Variants in COL11A1 observed in about 807,000 individuals in gnomAD.
The protein encoded by COL11A1 is collagen type XI alpha 1 chain.
In COL11A1, 74 loss-of-function variants were observed where a neutral mutation model predicts 265.2. The ratio of observed to expected loss-of-function variants is 0.28; its 90% confidence interval spans 0.23 to 0.34. The LOEUF is 0.34. COL11A1 is among the 10% of genes least tolerant of loss of function. The probability of loss-of-function intolerance (pLI) is 1.00; values close to 1 mark genes in which losing one functional copy is unlikely to be tolerated. For missense variants in COL11A1, 2,165 were observed against 2,263.6 expected (o/e 0.96, Z 0.88); for synonymous variants, 816 against 727.6 (o/e 1.12, Z -1.96).
intron 41 of COL11A1, among the ~76,000 whole-genome samples, chr1:102,956,856 TAA>T (rs368616275): frequency 1.1e-3 from 163 of 151,844 alleles, no homozygotes; most frequent in African/African-American, 3.4e-3. Context: ...AAAAGAATTC[TAA>T]GTTTTGTAAT....
chr1:103,074,087 T>C (rs1164186020), intron 4 of COL11A1, among the ~76,000 whole-genome samples: 2 of 152,084 alleles, frequency 1.3e-5, no homozygotes, highest in Non-Finnish European at 1.5e-5. Flanking sequence ...ACTAAAAGAA[T>C]GTGATTATCA....
At chr1:102,959,466 A>C (rs1660682102) in intron 41 of COL11A1, among the ~76,000 whole-genome samples, 1 of 152,176 alleles carries the variant, frequency 6.6e-6, no homozygotes, top group South Asian at 2.1e-4. Context: ...CACCTTTTCC[A>C]CATGGCCCTT....
intron 57 of COL11A1, among the ~76,000 whole-genome samples, chr1:102,894,889 C>A (rs1288483571): frequency 2.6e-5 from 4 of 152,112 alleles, no homozygotes; most frequent in Non-Finnish European, 5.9e-5. Context: ...TATTCTCCCA[C>A]CTCAGCCTCC....
rs928084007 is a variant in COL11A1, at chr1:103,082,884, C to G, written c.195G>C (p.Lys65Asn). Residue 65 changes from lysine (K) to asparagine (N), a missense_variant, in exon 2 of 67, where the codon AAG becomes AAC. Physicochemically the swap from Lys to Asn is moderately conservative, Grantham distance 94. Coordinates refer to ENST00000370096, the MANE Select transcript of COL11A1 (RefSeq NM_001854.4). The part of the protein sequence containing the change: ...SKTTGFCTNR[K>N]NSKGSDTAYR... Reference sequence around the variant, plus strand: ...AAGCAGTATCTGAGCCTTTAGAATTCTTTCTGTTTGTGCAAAATCCCGTTG... The same window carrying G: ...AAGCAGTATCTGAGCCTTTAGAATTGTTTCTGTTTGTGCAAAATCCCGTTG... 2.5e-6 allele frequency: 4 copies of G among 1,613,540 alleles called. No individual in the cohort carries two copies. The African/African-American group carries it at 5.3e-5, about 22-fold the overall frequency.
chr1:102,893,412 C>T (rs1275045338), intron 57 of COL11A1, among the ~76,000 whole-genome samples: 1 of 152,028 alleles, frequency 6.6e-6, no homozygotes, highest in Non-Finnish European at 1.5e-5. Context: ...TTTTTATTTT[C>T]ATCAGCTGGA....
intron 25 of COL11A1, 81 bp from the exon 26 acceptor site, chr1:102,997,205 T>A: frequency 8.2e-7 from 1 of 1,226,482 alleles, no homozygotes; most frequent in Non-Finnish European, 1.2e-6. Context: ...CTTTTGTTAT[T>A]AAATCTACTA....
In COL11A1 at chr1:102,946,951, T is replaced by A; in HGVS notation, c.3174A>T (p.Ser1058=). Residue 1058 remains serine (S), a synonymous_variant, in exon 42 of 67, where the codon TCA becomes TCT. Coordinates refer to ENST00000370096, the MANE Select transcript of COL11A1 (RefSeq NM_001854.4). ...TACCTGCTGACCCACGTTCTCCTGG[T>A]GAGCCCTAGTATACAGGAAAAGAAG... is the stretch of plus-strand genomic sequence containing the variant. ...GPQGPPGPVG[S]PGERGSAGTA... is the part of the protein sequence containing the mutation. The A allele has an allele frequency of 6.2e-7, 1 of 1,611,522 alleles. No homozygotes were observed. The highest frequency in any genetic ancestry group is 8.5e-7 in the Non-Finnish European group (1 of 1,178,716).
At chr1:103,085,146 G>A (rs1219384164) in intron 1 of COL11A1, among the ~76,000 whole-genome samples, 1 of 152,198 alleles carries the variant, frequency 6.6e-6, no homozygotes, top group African/African-American at 2.4e-5. Context: ...AATATGATGA[G>A]CTCTGAGTGC....
At chr1:102,984,678 A>G (rs576520840) in intron 30 of COL11A1, among the ~76,000 whole-genome samples, 3 of 152,164 alleles carry the variant, frequency 2.0e-5, no homozygotes, top group Non-Finnish European at 2.9e-5. Flanking sequence ...ACTTTTCTCA[A>G]TGAGTAAGTA....
chr1:103,089,863 C>T (rs762428505), intron 1 of COL11A1, among the ~76,000 whole-genome samples: 3 of 152,190 alleles, frequency 2.0e-5, no homozygotes, highest in Non-Finnish European at 4.4e-5. Context: ...TGGTGGCCCA[C>T]GCCTGTAATC....
Position 103,021,609 on chromosome 1 carries a change from T to G in COL11A1, c.1308+98A>C, listed in dbSNP as rs1667081739. 1.5e-5 allele frequency: 12 copies of G among 816,418 alleles called. No individual in the cohort carries two copies. In the East Asian group the frequency reaches 1.5e-4, roughly 10 times the overall value. The allele number at this position is 816,418 out of a possible 1,614,324, so 50.6% of individuals were successfully genotyped here. ...ATTGCAAACATCTGGACATCAAGAT[T>G]ATCATTGGTAAAACACGAACATACA... is the stretch of plus-strand genomic sequence containing the variant. On this transcript the variant is annotated intron_variant, in intron 9 of 66. Transcript: ENST00000370096.
intron 44 of COL11A1, among the ~76,000 whole-genome samples, chr1:102,938,102 A>T (rs541250486): frequency 5.0e-4 from 76 of 152,264 alleles, no homozygotes; most frequent in Admixed American, 7.9e-4. Flanking sequence ...AGTTAGAAAA[A>T]TTCATCTCAT....
intron 4 of COL11A1, among the ~76,000 whole-genome samples, chr1:103,049,176 T>C (rs1290233782): frequency 6.6e-6 from 1 of 152,188 alleles, no homozygotes; most frequent in Non-Finnish European, 1.5e-5. Context: ...GTCTCGTTGA[T>C]CTGTCTAATG....
Position 103,108,168 on chromosome 1 carries a change from C to G in COL11A1, c.11G>C (p.Trp4Ser). Residue 4 changes from tryptophan (W) to serine (S), a missense_variant, in exon 1 of 67, where the codon TGG (tryptophan) becomes TCG (serine). Trp to Ser is a radical substitution (Grantham distance 177). Coordinates refer to ENST00000370096, the MANE Select transcript of COL11A1 (RefSeq NM_001854.4). ...CCGTTTCGTTTTCCACCTAGAGGACCACGGCTCCATCTCCGAGCCCCGCAC... is the reference window on the plus strand; with the variant it reads ...CCGTTTCGTTTTCCACCTAGAGGACGACGGCTCCATCTCCGAGCCCCGCAC... MEPWSSRWKTKRWL... is the reference protein window; with the variant it reads MEPSSSRWKTKRWL... 6.2e-7 allele frequency: 1 copy of G among 1,613,672 alleles called. No individual in the cohort carries two copies. The highest frequency in any genetic ancestry group is 8.5e-7 in the Non-Finnish European group (1 of 1,179,896).
intron 30 of COL11A1, among the ~76,000 whole-genome samples, chr1:102,984,524 T>C (rs1663351535): frequency 6.6e-6 from 1 of 152,050 alleles, no homozygotes; most frequent in African/African-American, 2.4e-5. Context: ...TTCTAAGCTT[T>C]TTCAACATTA....
chr1:103,021,835 CTTCT>C, intron 8 of COL11A1, 66 bp from the exon 9 acceptor site: 2 of 1,089,098 alleles, frequency 1.8e-6, no homozygotes, highest in Non-Finnish European at 1.3e-6. Flanking sequence ...TCTTTCTTTT[CTTCT>C]TTTTTTTTTT....
At chr1:102,977,540 T>G (rs1662616308) in intron 35 of COL11A1, among the ~76,000 whole-genome samples, 1 of 152,118 alleles carries the variant, frequency 6.6e-6, no homozygotes, top group South Asian at 2.1e-4. Context: ...ATCATAACAT[T>G]TTGGAAGACA....
At chr1:102,977,053 TG>T (rs1662562840) in intron 35 of COL11A1, among the ~76,000 whole-genome samples, 1 of 152,186 alleles carries the variant, frequency 6.6e-6, no homozygotes, top group South Asian at 2.1e-4. Context: ...ATAATGATCA[TG>T]AGAGAGTCCT....
At chr1:103,083,089 C>T in intron 1 of COL11A1, 117 bp from the exon 2 acceptor site, 1 of 986,308 alleles carries the variant, frequency 1.0e-6, no homozygotes, top group South Asian at 1.6e-5. Context: ...TATCACTTGC[C>T]ATGCTTCCCT....
Sources: allele counts gnomAD v4.1 joint callset (sites outside exome capture counted in the v4.1 genomes callset), GRCh38; gene constraint gnomAD v4.1.1; transcripts MANE v1.5; gene names NCBI Gene and HGNC (gene_info 2026-07-23, HGNC 2026-07-21).